The following FRMPD4 variants were observed in gnomAD, a reference collection of about 807,000 sequenced individuals.
FRMPD4 encodes FERM and PDZ domain-containing protein 4.
A neutral mutation model predicts 94.1 loss-of-function variants in FRMPD4; 22 were observed. The ratio of observed to expected loss-of-function variants is 0.23; its 90% CI spans 0.17 to 0.33. The LOEUF (loss-of-function observed/expected upper bound fraction) is 0.33. Among genes scored for constraint, FRMPD4 ranks in the 10% least tolerant of loss-of-function variants. The probability of loss-of-function intolerance (pLI) is 1.00; values close to 1 mark genes in which losing one functional copy is unlikely to be tolerated. For synonymous variants in FRMPD4, 631 were observed against 548.6 expected, an observed-to-expected ratio of 1.15 and a Z score of -2.10; for missense variants, 1,111 against 1,339.9, an observed-to-expected ratio of 0.83 and a Z score of 2.67.
At chrX:12,686,510 A>G (rs1183523042) in intron 7 of FRMPD4, among the ~76,000 whole-genome samples, 2 of 112,272 alleles carry the variant, frequency 1.8e-5, no homozygotes, top group Non-Finnish European at 3.8e-5. Flanking sequence ...TGTGACTATC[A>G]CCAAGAAGGC....
intron 3 of FRMPD4, among the ~76,000 whole-genome samples, chrX:12,030,777 A>G (rs976109614): frequency 2.7e-5 from 3 of 111,876 alleles, no homozygotes; most frequent in Middle Eastern, 4.6e-3. Flanking sequence ...ATTAGCTAAA[A>G]CAAAGCAATA....
chrX:11,851,270 A>G (rs1385184643), intron 1 of FRMPD4, among the ~76,000 whole-genome samples: 1 of 111,856 alleles, frequency 8.9e-6, no homozygotes, highest in Non-Finnish European at 1.9e-5. Flanking sequence ...AGATTTGTCC[A>G]GTTTCATGGG....
chrX:12,567,985 G>T (rs1232331638), intron 2 of FRMPD4, among the ~76,000 whole-genome samples: 1 of 110,827 alleles, frequency 9.0e-6, no homozygotes, highest in Non-Finnish European at 1.9e-5. Context: ...TTTCTAGAAA[G>T]GTTTACTGTC....
At position 12,639,683 on chromosome X, in the gene FRMPD4, CTA is replaced by C. The variant is rs1342621502; in HGVS notation, c.422+24804_422+24805del. ...TTGTTTTGCCAGTATAATTTTCACA[CTA>C]TGTGTTCTTCCATGATTAATATATG... On this transcript the variant is annotated intron_variant, in intron 4 of 16. Transcript: ENST00000675598. Among the ~76,000 whole-genome samples the C allele has an allele frequency of 9.8e-5, 11 of 112,346 alleles. 1 individual carries two copies. The highest frequency in any genetic ancestry group is 8.6e-4 in the Admixed American group (9 of 10,481).
rs182609466 is a variant in FRMPD4, at chrX:12,513,122, T to C, written c.158+14326T>C. 4.4e-5 allele frequency among the ~76,000 whole-genome samples: 5 copies of C among 112,431 alleles called. 1 individual carries two copies. Among genetic ancestry groups the C allele is most frequent in the African/African-American group, 1.6e-4 (5 of 30,921 alleles). On this transcript the variant is annotated intron_variant, in intron 2 of 16. Transcript: ENST00000675598. ...TTGTAGATTCTGGATATGAGACCTT[T>C]GTCAGATGGATATATTGCAAAAATT...
At chrX:12,655,804 C>T (rs946615709) in intron 4 of FRMPD4, among the ~76,000 whole-genome samples, 17 of 111,861 alleles carry the variant, frequency 1.5e-4, no homozygotes, top group African/African-American at 4.6e-4. Flanking sequence ...TGAGATGAAA[C>T]GAATTACCCC....
intron 4 of FRMPD4, among the ~76,000 whole-genome samples, chrX:12,652,823 G>A (rs927829056): frequency 2.7e-5 from 3 of 111,556 alleles, no homozygotes; most frequent in Non-Finnish European, 5.6e-5. Context: ...AGCAGGAACA[G>A]GTGGCAAGGC....
chrX:12,288,911 G>A (rs2054643301), intron 1 of FRMPD4, among the ~76,000 whole-genome samples: 1 of 112,084 alleles, frequency 8.9e-6, no homozygotes, highest in Admixed American at 9.5e-5. Context: ...GAATCTTGGG[G>A]AAGGCATGGG....
intron 8 of FRMPD4, among the ~76,000 whole-genome samples, chrX:12,691,150 T>C (rs917855596): frequency 3.6e-5 from 4 of 112,370 alleles, no homozygotes; most frequent in African/African-American, 1.3e-4. Flanking sequence ...CCCGATTCTC[T>C]TGATTCAGTC....
intron 1 of FRMPD4, among the ~76,000 whole-genome samples, chrX:12,373,973 A>G (rs2056197903): frequency 8.9e-6 from 1 of 111,959 alleles, no homozygotes; most frequent in Non-Finnish European, 1.9e-5. Flanking sequence ...GCTTGACCTT[A>G]TCATACTAAG....
At chrX:12,467,472 C>G (rs2057461581) in intron 1 of FRMPD4, among the ~76,000 whole-genome samples, 1 of 112,175 alleles carries the variant, frequency 8.9e-6, no homozygotes, top group African/African-American at 3.2e-5. Flanking sequence ...GACATTTTAA[C>G]TGCCTATCCC....
At chrX:12,408,544 C>G (rs2056694083) in intron 1 of FRMPD4, among the ~76,000 whole-genome samples, 1 of 110,757 alleles carries the variant, frequency 9.0e-6, no homozygotes, top group Non-Finnish European at 1.9e-5. Flanking sequence ...GTTTGCTTCT[C>G]AGAACAAGAG....
chrX:11,822,718 G>A (rs967123620), intron 1 of FRMPD4, among the ~76,000 whole-genome samples: 5 of 112,065 alleles, frequency 4.5e-5, no homozygotes, highest in East Asian at 2.8e-4. Context: ...CTGACGAGGT[G>A]AGTGTCAGGC....
chrX:12,334,606 T>C (rs7891297), intron 1 of FRMPD4, among the ~76,000 whole-genome samples: 8,338 of 108,191 alleles, frequency 0.077, 820 homozygotes, highest in African/African-American at 0.26. Flanking sequence ...CCCTCTTCAT[T>C]GGTGAAAAAA....
chrX:11,932,006 G>T (rs189437438), intron 3 of FRMPD4, among the ~76,000 whole-genome samples: 1 of 111,945 alleles, frequency 8.9e-6, no homozygotes, highest in African/African-American at 3.2e-5. Context: ...AAAAAGAAAT[G>T]CTTCATGTCT....
At chrX:12,030,438 T>C (rs769703326) in intron 3 of FRMPD4, among the ~76,000 whole-genome samples, 5 of 111,859 alleles carry the variant, frequency 4.5e-5, no homozygotes, top group African/African-American at 1.6e-4. Flanking sequence ...GTCCCGATGC[T>C]GGTCATCAAC....
At chrX:12,291,025 A>G (rs2054679513) in intron 1 of FRMPD4, among the ~76,000 whole-genome samples, 1 of 111,359 alleles carries the variant, frequency 9.0e-6, no homozygotes, top group Non-Finnish European at 1.9e-5. Context: ...TTCTCTTGCA[A>G]ATCTTCGATC....
intron 3 of FRMPD4, among the ~76,000 whole-genome samples, chrX:12,124,295 C>A (rs937816585): frequency 2.7e-5 from 3 of 111,981 alleles, no homozygotes; most frequent in African/African-American, 9.7e-5. Context: ...AAAATATGTA[C>A]ACTATTAGAT....
At chrX:12,231,508 T>C (rs1006979876) in intron 1 of FRMPD4, among the ~76,000 whole-genome samples, 33 of 111,328 alleles carry the variant, frequency 3.0e-4, no homozygotes, top group African/African-American at 8.5e-4. Context: ...AAGGCCCCCA[T>C]GTGGCCCACT....
Sources: gnomAD v4.1 joint callset for allele counts (sites outside exome capture counted in the v4.1 genomes callset) on GRCh38, gnomAD v4.1.1 for gene constraint, MANE v1.5 for transcripts, NCBI Gene and HGNC (gene_info 2026-07-23, HGNC 2026-07-21) for gene names.